Variants in CSMD1 observed in about 807,000 individuals in gnomAD.
The protein encoded by CSMD1 is CUB and Sushi multiple domains 1.
In CSMD1, 213 loss-of-function variants were observed where a neutral mutation model predicts 417.5. The observed-to-expected ratio is 0.51, with a 90% CI of 0.46 to 0.57. The LOEUF is 0.57. Among genes scored for constraint, CSMD1 ranks in the 20% least tolerant of loss-of-function variants. The pLI, the probability that CSMD1 is intolerant of heterozygous loss-of-function variation, is 0.00. For synonymous variants in CSMD1, 2,862 were observed against 1,736.8 expected (o/e 1.65, Z -16.11); for missense variants, 6,923 against 4,529.7 (o/e 1.53, Z -15.17).
intron 30 of CSMD1, among the ~76,000 whole-genome samples, chr8:3,212,845 TTGAGA>T (rs1468176271): frequency 4.0e-5 from 6 of 151,294 alleles, no homozygotes; most frequent in Non-Finnish European, 8.8e-5. Flanking sequence ...TTTTTTTTTT[TTGAGA>T]GAGAGTTTCA....
intron 2 of CSMD1, among the ~76,000 whole-genome samples, chr8:4,618,371 G>C (rs954284712): frequency 6.6e-6 from 1 of 152,030 alleles, no homozygotes; most frequent in African/African-American, 2.4e-5. Flanking sequence ...GTCTGCAATG[G>C]AACAGTTTAC....
intron 3 of CSMD1, among the ~76,000 whole-genome samples, chr8:4,205,427 T>G (rs977535026): frequency 3.3e-5 from 5 of 152,234 alleles, no homozygotes; most frequent in Non-Finnish European, 7.3e-5. Flanking sequence ...ATCACCAAAC[T>G]GATATTTATT....
chr8:4,530,313 GCTTTTT>G (rs1796739183), intron 2 of CSMD1, among the ~76,000 whole-genome samples: 2 of 48,402 alleles, frequency 4.1e-5, no homozygotes, highest in South Asian at 2.0e-3. Context: ...TACAGGTAGT[GCTTTTT>G]TTTTTTTTTT....
At chr8:4,961,630 A>T (rs760807325) in intron 1 of CSMD1, among the ~76,000 whole-genome samples, 3 of 152,108 alleles carry the variant, frequency 2.0e-5, no homozygotes, top group Non-Finnish European at 4.4e-5. Context: ...AAACTTTTGT[A>T]TGAGCTCTAT....
intron 37 of CSMD1, 147 bp downstream of exon 37, chr8:3,180,963 G>C: frequency 4.8e-6 from 3 of 622,700 alleles, no homozygotes; most frequent in South Asian, 2.0e-5. Context: ...CGTAGAGCCA[G>C]ATTTCATAAC....
intron 10 of CSMD1, among the ~76,000 whole-genome samples, chr8:3,570,511 T>G (rs1799899119): frequency 6.6e-6 from 1 of 152,076 alleles, no homozygotes; most frequent in Admixed American, 6.5e-5. Context: ...AAGCCTCAGG[T>G]GGTTGCAGAC....
intron 1 of CSMD1, among the ~76,000 whole-genome samples, chr8:4,958,975 A>G (rs75422072): frequency 0.022 from 3,279 of 152,298 alleles, 109 homozygotes; most frequent in African/African-American, 0.073. Flanking sequence ...ACAAAATTAA[A>G]AACAAGAAAC....
chr8:3,283,826 C>T (rs963454409), intron 26 of CSMD1, among the ~76,000 whole-genome samples: 2 of 152,364 alleles, frequency 1.3e-5, no homozygotes, highest in East Asian at 1.9e-4. Flanking sequence ...TTCTGCACGA[C>T]TATACATTAA....
chr8:3,316,821 C>T (rs1472266229), intron 23 of CSMD1, among the ~76,000 whole-genome samples: 2 of 151,992 alleles, frequency 1.3e-5, no homozygotes, highest in African/African-American at 4.8e-5. Flanking sequence ...GAGAAGACTG[C>T]ACAGGAAACT....
intron 3 of CSMD1, among the ~76,000 whole-genome samples, chr8:4,222,997 A>C (rs540383370): frequency 2.0e-5 from 3 of 152,210 alleles, no homozygotes; most frequent in African/African-American, 7.2e-5. Flanking sequence ...AGATTAAAGC[A>C]AATAAATAGA....
At chr8:3,582,998 C>T (rs969084613) in intron 9 of CSMD1, among the ~76,000 whole-genome samples, 4 of 152,120 alleles carry the variant, frequency 2.6e-5, no homozygotes. Context: ...TTTTGTCTGG[C>T]CTTTACATAA....
intron 50 of CSMD1, among the ~76,000 whole-genome samples, chr8:3,038,023 G>C (rs1287072497): frequency 6.6e-6 from 1 of 152,060 alleles, no homozygotes; most frequent in Non-Finnish European, 1.5e-5. Context: ...ATATTTCTCT[G>C]GCCCGGCTTT....
At chr8:3,178,497 C>T (rs773417585) in intron 37 of CSMD1, among the ~76,000 whole-genome samples, 15 of 152,076 alleles carry the variant, frequency 9.9e-5, no homozygotes, top group Non-Finnish European at 1.6e-4. Flanking sequence ...CTGGATACCT[C>T]GCAAGGTGCT....
chr8:3,504,492 T>C (rs895827270), intron 10 of CSMD1, among the ~76,000 whole-genome samples: 2 of 152,328 alleles, frequency 1.3e-5, no homozygotes, highest in Non-Finnish European at 2.9e-5. Context: ...GTTGTGTTCA[T>C]TATTATCCTC....
At chr8:2,966,459 C>A in intron 58 of CSMD1, 111 bp downstream of exon 58, 1 of 964,552 alleles carries the variant, frequency 1.0e-6, no homozygotes, top group Non-Finnish European at 1.5e-6. Flanking sequence ...CCCTTTTTTC[C>A]TCTATGAATT....
At chr8:4,688,389 C>T (rs1467161836) in intron 1 of CSMD1, among the ~76,000 whole-genome samples, 1 of 152,076 alleles carries the variant, frequency 6.6e-6, no homozygotes, top group African/African-American at 2.4e-5. Context: ...TTGAGCGTGG[C>T]CTAATTAATG....
intron 5 of CSMD1, among the ~76,000 whole-genome samples, chr8:3,980,310 A>G (rs1585070861): frequency 6.6e-6 from 1 of 152,174 alleles, no homozygotes; most frequent in South Asian, 2.1e-4. Flanking sequence ...TTCTTGTCAC[A>G]CTGTAATATG....
intron 6 of CSMD1, among the ~76,000 whole-genome samples, chr8:3,744,407 G>A (rs1434462299): frequency 6.6e-6 from 1 of 152,152 alleles, no homozygotes; most frequent in African/African-American, 2.4e-5. Context: ...TGAATTACAT[G>A]AGGTTTTATT....
intron 33 of CSMD1, among the ~76,000 whole-genome samples, chr8:3,196,749 G>C (rs1157843998): frequency 6.6e-6 from 1 of 152,160 alleles, no homozygotes; most frequent in Non-Finnish European, 1.5e-5. Context: ...GGTAATGCAG[G>C]TCACTCATCT....
Sources: allele counts gnomAD v4.1 joint callset (sites outside exome capture counted in the v4.1 genomes callset), GRCh38; gene constraint gnomAD v4.1.1; transcripts MANE v1.5; gene names NCBI Gene and HGNC (gene_info 2026-07-23, HGNC 2026-07-21).